KAZN: variants seen among roughly 807,000 people sequenced by gnomAD.
KAZN encodes kazrin.
KAZN carries 40 observed loss-of-function variants against 87.4 expected under a neutral mutation model. That is an observed-to-expected ratio of 0.46 (90% confidence interval 0.36 to 0.60). The LOEUF is 0.60. Ranked by LOEUF, KAZN falls within the 20% of genes least tolerant of loss-of-function variation. The pLI, the probability that KAZN is intolerant of heterozygous loss-of-function variation, is 0.00. For synonymous variants in KAZN, 466 were observed against 458.3 expected, an observed-to-expected ratio of 1.02 and a Z score of -0.22; for missense variants, 898 against 1,073.9, an observed-to-expected ratio of 0.84 and a Z score of 2.29.
At chr1:14,810,972 G>A (rs779787747) in intron 1 of KAZN, among the ~76,000 whole-genome samples, 15 of 152,216 alleles carry the variant, frequency 9.9e-5, no homozygotes, top group Non-Finnish European at 1.5e-4. Context: ...GACAACTTCC[G>A]TCTTTTCAGA....
At chr1:14,252,963 G>T (rs1028542859) in intron 2 of KAZN, among the ~76,000 whole-genome samples, 34 of 152,026 alleles carry the variant, frequency 2.2e-4, no homozygotes, top group African/African-American at 8.2e-4. Flanking sequence ...GAGAAGAGAG[G>T]GTAGAAAATT....
At chr1:14,033,307 G>A (rs1401576050) in intron 1 of KAZN, among the ~76,000 whole-genome samples, 1 of 152,202 alleles carries the variant, frequency 6.6e-6, no homozygotes, top group Non-Finnish European at 1.5e-5. Flanking sequence ...TTTGTCTCCA[G>A]TTGGAGAGGT....
chr1:14,587,161 C>T (rs1197333388), intron 2 of KAZN, among the ~76,000 whole-genome samples: 6 of 152,112 alleles, frequency 3.9e-5, no homozygotes, highest in Non-Finnish European at 4.4e-5. Flanking sequence ...AGGGGCCAGG[C>T]GCGGTGGCTC....
chr1:13,958,626 AG>A (rs1641640000), intron 1 of KAZN, among the ~76,000 whole-genome samples: 3 of 152,070 alleles, frequency 2.0e-5, no homozygotes, highest in Admixed American at 6.6e-5. Context: ...ACTAATTTGA[AG>A]GGCAGATCAG....
At chr1:14,899,925 T>A (rs1024104777) in intron 1 of KAZN, among the ~76,000 whole-genome samples, 1 of 152,224 alleles carries the variant, frequency 6.6e-6, no homozygotes, top group Non-Finnish European at 1.5e-5. Flanking sequence ...AGCTGGCGCA[T>A]AATCCTGCTT....
intron 1 of KAZN, among the ~76,000 whole-genome samples, chr1:13,901,356 TGA>T (rs1475299607): frequency 3.9e-5 from 6 of 152,246 alleles, no homozygotes; most frequent in African/African-American, 1.2e-4. Flanking sequence ...GTGGATCATC[TGA>T]TCCCGGAGGA....
chr1:14,701,217 C>A (rs1046080354), intron 1 of KAZN, among the ~76,000 whole-genome samples: 12 of 152,186 alleles, frequency 7.9e-5, no homozygotes, highest in Admixed American at 7.9e-4. Flanking sequence ...ACCTCCTGGG[C>A]TTAAGTGATC....
intron 1 of KAZN, among the ~76,000 whole-genome samples, chr1:14,882,186 G>T (rs1485792646): frequency 6.6e-6 from 1 of 152,200 alleles, no homozygotes. Context: ...AACTGAACAG[G>T]AAGTGTTGTT....
intron 1 of KAZN, among the ~76,000 whole-genome samples, chr1:14,641,341 T>A (rs1680393070): frequency 6.6e-6 from 1 of 152,166 alleles, no homozygotes; most frequent in Non-Finnish European, 1.5e-5. Context: ...TATCCCTGCA[T>A]CCAGTTGGTC....
At chr1:15,047,445 G>A (rs1673689878) in intron 4 of KAZN, among the ~76,000 whole-genome samples, 1 of 152,178 alleles carries the variant, frequency 6.6e-6, no homozygotes, top group Admixed American at 6.5e-5. Flanking sequence ...CAGTGGGGAG[G>A]TGGAGGGCGC....
chr1:14,848,565 G>T (rs185361642), intron 1 of KAZN, among the ~76,000 whole-genome samples: 1 of 152,244 alleles, frequency 6.6e-6, no homozygotes, highest in Non-Finnish European at 1.5e-5. Context: ...GCACGAGCGT[G>T]TGGGGTGCAA....
intron 1 of KAZN, among the ~76,000 whole-genome samples, chr1:14,082,967 G>A (rs977144297): frequency 3.9e-5 from 6 of 152,220 alleles, no homozygotes; most frequent in African/African-American, 9.6e-5. Context: ...AGGCCGAGGC[G>A]GGTGGATCAT....
At chr1:15,032,439 G>T (rs566368901) in intron 2 of KAZN, among the ~76,000 whole-genome samples, 1 of 151,404 alleles carries the variant, frequency 6.6e-6, no homozygotes, top group Non-Finnish European at 1.5e-5. Context: ...TGATCTGCCC[G>T]CCTCAGCCTC....
At chr1:14,263,843 G>A (rs1048844861) in intron 2 of KAZN, among the ~76,000 whole-genome samples, 10 of 152,182 alleles carry the variant, frequency 6.6e-5, no homozygotes, top group Admixed American at 6.5e-4. Context: ...GGCACAAATC[G>A]CTAAGAATGA....
intron 8 of KAZN, among the ~76,000 whole-genome samples, chr1:15,091,122 G>A (rs189906761): frequency 1.4e-3 from 212 of 152,090 alleles, no homozygotes; most frequent in Non-Finnish European, 9.3e-4. Context: ...ACACTCACAC[G>A]GGCACATTCA....
chr1:14,375,624 C>A (rs1195130818), intron 2 of KAZN, among the ~76,000 whole-genome samples: 1 of 152,138 alleles, frequency 6.6e-6, no homozygotes, highest in Admixed American at 6.5e-5. Context: ...CGGTGGCTCA[C>A]ACCTGTAATC....
intron 1 of KAZN, among the ~76,000 whole-genome samples, chr1:14,030,724 C>A (rs1425180882): frequency 6.6e-6 from 1 of 151,642 alleles, no homozygotes; most frequent in Non-Finnish European, 1.5e-5. Flanking sequence ...CCAGCTTGGA[C>A]AGATGGATGT....
At chr1:14,491,237 CTATT>C (rs1331941991) in intron 2 of KAZN, among the ~76,000 whole-genome samples, 1 of 152,134 alleles carries the variant, frequency 6.6e-6, no homozygotes, top group African/African-American at 2.4e-5. Flanking sequence ...TGCTTTTTCT[CTATT>C]TGATAGTTAA....
intron 1 of KAZN, among the ~76,000 whole-genome samples, chr1:14,874,957 C>T (rs960338901): frequency 2.6e-5 from 4 of 152,054 alleles, no homozygotes; most frequent in East Asian, 1.9e-4. Context: ...AGCAGATTTG[C>T]GCAGCCACCT....
Sources: allele counts gnomAD v4.1 joint callset (sites outside exome capture counted in the v4.1 genomes callset), GRCh38; gene constraint gnomAD v4.1.1; transcripts MANE v1.5; gene names NCBI Gene and HGNC (gene_info 2026-07-23, HGNC 2026-07-21).